Variants in RYR3 observed in about 807,000 individuals in gnomAD.
The protein encoded by RYR3 is brain ryanodine receptor-calcium release channel.
RYR3 carries 207 observed loss-of-function variants against 584.3 expected under a neutral mutation model. The observed-to-expected ratio is 0.35, with a 90% confidence interval of 0.32 to 0.40. The LOEUF (loss-of-function observed/expected upper bound fraction) is 0.40. Among genes scored for constraint, RYR3 ranks in the 10% least tolerant of loss-of-function variants. The pLI is 1.00. For missense variants in RYR3, 5,616 were observed against 6,089.2 expected (o/e 0.92, Z 2.59); for synonymous variants, 2,416 against 2,248.5 (o/e 1.07, Z -2.11).
chr15:33,571,618 A>T (rs1204064009), intron 12 of RYR3, among the ~76,000 whole-genome samples: 2 of 152,162 alleles, frequency 1.3e-5, no homozygotes, highest in Non-Finnish European at 2.9e-5. Flanking sequence ...GGTGTCTTGA[A>T]TGTGCAGATT....
At chr15:33,519,752 T>G (rs1243968902) in intron 3 of RYR3, among the ~76,000 whole-genome samples, 1 of 152,112 alleles carries the variant, frequency 6.6e-6, no homozygotes, top group African/African-American at 2.4e-5. Flanking sequence ...TGTCATTGCC[T>G]TCAGAACAGC....
At chr15:33,518,413 GT>G (rs963481368) in intron 3 of RYR3, among the ~76,000 whole-genome samples, 2 of 151,780 alleles carry the variant, frequency 1.3e-5, no homozygotes, top group African/African-American at 4.8e-5. Context: ...TTGTGGAGTT[GT>G]TTTTTTTCAA....
chr15:33,543,612 T>TC lies in RYR3; in HGVS notation c.647-9dup. The TC allele has an allele frequency of 1.3e-6, 2 of 1,546,794 alleles. No homozygotes were observed. The highest frequency in any genetic ancestry group is 1.8e-6 in the Non-Finnish European group (2 of 1,118,610). On this transcript the variant is annotated splice_polypyrimidine_tract_variant and intron_variant, in intron 7 of 103. Transcript: ENST00000634891. Reference sequence around the variant, plus strand: ...CCCATCATTCACAGTAGAATATAATTCTCTTACAGGATACCTACTTGGTGG... The same window carrying TC: ...CCCATCATTCACAGTAGAATATAATTCCTCTTACAGGATACCTACTTGGTGG...
intron 1 of RYR3, among the ~76,000 whole-genome samples, chr15:33,443,671 T>TG (rs1376370297): frequency 2.0e-5 from 3 of 152,136 alleles, no homozygotes; most frequent in Non-Finnish European, 4.4e-5. Context: ...TTACAAGACA[T>TG]GGGGCACCTG....
intron 60 of RYR3, among the ~76,000 whole-genome samples, chr15:33,760,501 CAAAG>C (rs761750828): frequency 7.9e-5 from 12 of 152,106 alleles, no homozygotes; most frequent in Non-Finnish European, 1.8e-4. Flanking sequence ...TCAAAAAAGA[CAAAG>C]AAGGGCATTA....
In RYR3 at chr15:33,861,016, C is replaced by CAGTTTTCTCTCCTGCCTATATT. The variant is rs1204803220; in HGVS notation, c.14365-60_14365-39dup. 19 of 1,221,448 alleles carry CAGTTTTCTCTCCTGCCTATATT rather than the reference C, an allele frequency of 1.6e-5. No homozygotes were observed. The Middle Eastern group carries it at 5.6e-4, about 36-fold the overall frequency. The allele number at this position is 1,221,448 out of a possible 1,614,324, so 75.7% of individuals were successfully genotyped here. On this transcript the variant is annotated intron_variant, in intron 101 of 103. Transcript: ENST00000634891. The stretch of plus-strand genomic sequence containing the variant: ...ATCCTTCAATTCGATAGAATCATGA[C>CAGTTTTCTCTCCTGCCTATATT]AGTTTTCTCTCCTGCCTATATTATG...
intron 38 of RYR3, among the ~76,000 whole-genome samples, chr15:33,689,453 GCA>G (rs954108121): frequency 6.6e-6 from 1 of 151,940 alleles, no homozygotes; most frequent in Non-Finnish European, 1.5e-5. Context: ...ACACACAGAT[GCA>G]CACACACATA....
chr15:33,820,041 C>T (rs900111138), intron 77 of RYR3, among the ~76,000 whole-genome samples: 2 of 152,224 alleles, frequency 1.3e-5, no homozygotes, highest in African/African-American at 4.8e-5. Flanking sequence ...TAGGTTCACA[C>T]TGACATTTCT....
intron 3 of RYR3, among the ~76,000 whole-genome samples, chr15:33,511,672 T>C (rs563717969): frequency 3.4e-5 from 5 of 145,320 alleles, no homozygotes; most frequent in South Asian, 2.1e-4. Context: ...GCTGCACACA[T>C]AGAAATTCGT....
At chr15:33,763,154 C>T (rs1026222014) in intron 60 of RYR3, among the ~76,000 whole-genome samples, 1 of 152,148 alleles carries the variant, frequency 6.6e-6, no homozygotes, top group Non-Finnish European at 1.5e-5. Flanking sequence ...AGACCTAAAA[C>T]CGTAAAAAGC....
chr15:33,795,723 G>T (rs1230817613), intron 67 of RYR3, among the ~76,000 whole-genome samples: 1 of 151,998 alleles, frequency 6.6e-6, no homozygotes, highest in East Asian at 1.9e-4. Context: ...TAGAGACAGG[G>T]TTTCACCATG....
At chr15:33,738,189 T>G (rs1368918449) in intron 49 of RYR3, among the ~76,000 whole-genome samples, 1 of 152,138 alleles carries the variant, frequency 6.6e-6, no homozygotes, top group Non-Finnish European at 1.5e-5. Flanking sequence ...CCTCTCCATT[T>G]CCTAGTAACT....
At chr15:33,853,221 G>A in intron 95 of RYR3, 134 bp downstream of exon 95, 2 of 925,386 alleles carry the variant, frequency 2.2e-6, no homozygotes, top group Non-Finnish European at 1.6e-6. Flanking sequence ...GTAAGTCACA[G>A]AAGGGGTTGG....
intron 1 of RYR3, among the ~76,000 whole-genome samples, chr15:33,331,127 C>T (rs573935983): frequency 5.9e-5 from 9 of 152,232 alleles, no homozygotes; most frequent in Admixed American, 5.2e-4. Context: ...GTTTTCAGAA[C>T]GGAGCCTCTT....
intron 39 of RYR3, 141 bp downstream of exon 39, chr15:33,696,632 C>A: frequency 1.1e-6 from 1 of 905,652 alleles, no homozygotes; most frequent in Non-Finnish European, 1.6e-6. Context: ...CTCATGGAGT[C>A]ATATCCTTTG....
chr15:33,613,415 C>G (rs936607552), intron 19 of RYR3, 40 bp downstream of exon 19: 10 of 1,543,672 alleles, frequency 6.5e-6, no homozygotes, highest in Non-Finnish European at 7.9e-6. Context: ...TAGCAGTTAC[C>G]CCACCTCCCC....
At chr15:33,693,871 G>T (rs1205993083) in intron 38 of RYR3, among the ~76,000 whole-genome samples, 1 of 152,156 alleles carries the variant, frequency 6.6e-6, no homozygotes, top group Non-Finnish European at 1.5e-5. Flanking sequence ...TCAGTCCAAT[G>T]GCAAGTCTGG....
At chr15:33,671,046 G>A (rs1352831220) in intron 38 of RYR3, among the ~76,000 whole-genome samples, 1 of 152,120 alleles carries the variant, frequency 6.6e-6, no homozygotes, top group Admixed American at 6.5e-5. Context: ...TTTTGAAAAT[G>A]TAGCATCCTA....
At chr15:33,602,174 T>A (rs2059695521) in intron 17 of RYR3, among the ~76,000 whole-genome samples, 1 of 152,210 alleles carries the variant, frequency 6.6e-6, no homozygotes, top group South Asian at 2.1e-4. Flanking sequence ...GAATCTTCCC[T>A]CTGAAGTGCA....
Sources: gnomAD v4.1 joint callset for allele counts (sites outside exome capture counted in the v4.1 genomes callset) on GRCh38, gnomAD v4.1.1 for gene constraint, MANE v1.5 for transcripts, NCBI Gene and HGNC (gene_info 2026-07-23, HGNC 2026-07-21) for gene names.